Variants in ZNF600 observed in about 807,000 individuals in gnomAD.
ZNF600 encodes the protein zinc finger protein 600.
Under a neutral mutation model 7.3 loss-of-function variants are expected in ZNF600, and 4 were observed. That is an observed-to-expected ratio of 0.55 (90% CI 0.27 to 1.25). The LOEUF (loss-of-function observed/expected upper bound fraction) is 1.25, where lower values mean the gene tolerates loss of function less well. ZNF600 is among the 50% of genes most tolerant of loss of function. The pLI, the probability that ZNF600 is intolerant of heterozygous loss-of-function variation, is 0.12. For synonymous variants in ZNF600, 290 were observed against 308.9 expected (o/e 0.94, Z 0.64); for missense variants, 911 against 922.1 (o/e 0.99, Z 0.16).
At chr19:52,816,660 A>T in the ZNF600 span, among the ~76,000 whole-genome samples, 1 of 131,142 alleles carries the variant, frequency 7.6e-6, no homozygotes, top group African/African-American at 3.4e-5. Flanking sequence ...TGAAAACATC[A>T]TCTCAAAAAA....
At chr19:52,767,462 G>C (rs1259511804) in exon 4 of ZNF600, 1 of 1,614,050 alleles carries the variant, frequency 6.2e-7, no homozygotes, top group African/African-American at 1.3e-5. Context: ...GAATTATGTG[G>C]AGTTCAGGCA....
At chr19:52,787,509 C>T (rs1314494380), upstream of ZNF600, among the ~76,000 whole-genome samples, 1 of 148,698 alleles carries the variant, frequency 6.7e-6, no homozygotes, top group Non-Finnish European at 1.5e-5. Context: ...CGGGTTCACG[C>T]CCTTCTCCTG....
rs566400119 is a variant in ZNF600, at chr19:52,774,438, A to T, written c.190+137T>A. 22 of 918,186 alleles carry T rather than the reference A, an allele frequency of 2.4e-5. 1 individual carries two copies. The African/African-American group carries it at 3.8e-4, about 16-fold the overall frequency. 56.9% of individuals were successfully genotyped at this position (918,186 alleles called of 1,614,324 possible). ...GAGCGAAGATCCATCTCAAACAAAA[A>T]AACAAAACAAAAAAACAACCAAAAA... On this transcript the variant is annotated intron_variant, in intron 3 of 3. Transcript: ENST00000648973.
chr19:52,798,384 T>TA, the ZNF600 span: 47 of 372,108 alleles, frequency 1.3e-4, no homozygotes, highest in South Asian at 1.0e-3. Flanking sequence ...AGTGCTCATT[T>TA]AACTGTAATG....
the ZNF600 span, among the ~76,000 whole-genome samples, chr19:52,820,184 C>A: frequency 9.3e-6 from 1 of 107,312 alleles, no homozygotes; most frequent in East Asian, 2.5e-4. Flanking sequence ...GTGGCGCAAT[C>A]TCGGCTCACT....
At chr19:52,818,084 T>G in the ZNF600 span, 1 of 1,484,666 alleles carries the variant, frequency 6.7e-7, no homozygotes, top group Non-Finnish European at 9.2e-7. Flanking sequence ...ATCCCCTCCC[T>G]GTAACACAAC....
chr19:52,832,431 A>G, the ZNF600 span, among the ~76,000 whole-genome samples: 2 of 151,850 alleles, frequency 1.3e-5, no homozygotes, highest in African/African-American at 4.8e-5. Flanking sequence ...CATCTCTACT[A>G]AGAATACAGA....
At chr19:52,809,869 C>T in the ZNF600 span, 4 of 673,214 alleles carry the variant, frequency 5.9e-6, no homozygotes, top group South Asian at 3.4e-5. Flanking sequence ...ACTGGGCCTG[C>T]GGGCGGTCCG....
intron 1 of ZNF600, among the ~76,000 whole-genome samples, chr19:52,784,016 C>A (rs1374365346): frequency 6.6e-6 from 1 of 152,116 alleles, no homozygotes; most frequent in Admixed American, 6.5e-5. Flanking sequence ...CAGAGATAGT[C>A]ATTAGCCAAG....
the ZNF600 span, among the ~76,000 whole-genome samples, chr19:52,808,479 A>G: frequency 2.6e-3 from 396 of 152,290 alleles, 1 homozygote; most frequent in Non-Finnish European, 4.3e-3. Context: ...CAATGTCCAC[A>G]GTAAGAGACA....
chr19:52,809,925 G>A, the ZNF600 span: 4 of 854,734 alleles, frequency 4.7e-6, no homozygotes, highest in South Asian at 2.8e-5. Context: ...GGCCGGTGGG[G>A]AGGCCGGGGA....
At chr19:52,793,500 A>G in the ZNF600 span, among the ~76,000 whole-genome samples, 1 of 152,208 alleles carries the variant, frequency 6.6e-6, no homozygotes, top group Non-Finnish European at 1.5e-5. Flanking sequence ...AACAAAGGAA[A>G]GCAGCCCGTG....
At chr19:52,789,779 C>G (rs2062786682), upstream of ZNF600, among the ~76,000 whole-genome samples, 1 of 152,120 alleles carries the variant, frequency 6.6e-6, no homozygotes, top group Non-Finnish European at 1.5e-5. Context: ...CTTTAATGAG[C>G]ATTCGTGTGA....
At chr19:52,787,278 C>T (rs2062772798), upstream of ZNF600, among the ~76,000 whole-genome samples, 1 of 152,180 alleles carries the variant, frequency 6.6e-6, no homozygotes, top group African/African-American at 2.4e-5. Flanking sequence ...AGCCTGAGGT[C>T]CCAGCTACTC....
At chr19:52,815,547 G>A in the ZNF600 span, among the ~76,000 whole-genome samples, 1 of 146,012 alleles carries the variant, frequency 6.8e-6, no homozygotes, top group Non-Finnish European at 1.5e-5. Context: ...ATAACTGTCT[G>A]GGCGTGGTGG....
the ZNF600 span, among the ~76,000 whole-genome samples, chr19:52,829,478 G>A: frequency 4.6e-5 from 7 of 151,114 alleles, no homozygotes; most frequent in African/African-American, 1.7e-4. Context: ...GGGTTCAAGT[G>A]ATTCTCCTGT....
chr19:52,766,175 C>T (rs1340436263), exon 4 of ZNF600: 4 of 1,613,920 alleles, frequency 2.5e-6, no homozygotes, highest in Non-Finnish European at 3.4e-6. Flanking sequence ...ACTCATTACA[C>T]TTGTAAGGTT....
chr19:52,767,207 G>A (rs4614842), exon 4 of ZNF600: 150,870 of 1,613,922 alleles, frequency 0.093, 7,856 homozygotes, highest in South Asian at 0.17. Flanking sequence ...CTCCTAAATG[G>A]GGTATCTGGT....
At chr19:52,812,762 T>TAAAAAAAA in the ZNF600 span, among the ~76,000 whole-genome samples, 3 of 75,400 alleles carry the variant, frequency 4.0e-5, no homozygotes, top group African/African-American at 8.5e-5. Context: ...GAATGATCAA[T>TAAAAAAAA]AAAAAAAAAA....
Sources: allele counts gnomAD v4.1 joint callset (sites outside exome capture counted in the v4.1 genomes callset), GRCh38; gene constraint gnomAD v4.1.1; transcripts MANE v1.5; gene names NCBI Gene and HGNC (gene_info 2026-07-23, HGNC 2026-07-21).